TNIK: variants seen among roughly 807,000 people sequenced by gnomAD.
The protein encoded by TNIK is TRAF2 and NCK interacting kinase.
In TNIK, 49 loss-of-function variants were observed where a neutral mutation model predicts 191.3. That is an observed-to-expected ratio of 0.26 (90% CI 0.20 to 0.32). TNIK has a LOEUF of 0.32. TNIK is among the 10% of genes least tolerant of loss of function. TNIK has a pLI of 1.00. For missense variants in TNIK, 1,155 were observed against 1,702.3 expected, an observed-to-expected ratio of 0.68 and a Z score of 5.66; for synonymous variants, 594 against 600.9, an observed-to-expected ratio of 0.99 and a Z score of 0.17.
In TNIK at chr3:171,101,466, G is replaced by T. The variant is rs900629577; in HGVS notation, c.2574C>A (p.Ser858Arg). 6.2e-7 allele frequency: 1 copy of T among 1,611,230 alleles called. No homozygotes were observed. The highest frequency in any genetic ancestry group is 1.1e-5 in the South Asian group (1 of 90,662). Residue 858 changes from serine to arginine, a missense_variant, in exon 22 of 33, where the codon AGC (serine) becomes AGA (arginine). Physicochemically the swap from Ser to Arg is moderately radical, Grantham distance 110 (BLOSUM62 -1). Around this residue, in one of 3 missense-constraint regions of TNIK, gnomAD observed 735 missense variants for 848.0 expected, o/e 0.87. Transcript: ENST00000436636. ...SETHDGTVAV[S>R]DIPRLIPTGA... ...TCTCTTACATCAGTCTGGGTATGTC[G>T]CTGACAGCCACTGTCCCATCATGGG...
intron 7 of TNIK, among the ~76,000 whole-genome samples, chr3:171,178,814 T>C (rs2108792282): frequency 6.6e-6 from 1 of 152,340 alleles, no homozygotes; most frequent in Non-Finnish European, 1.5e-5. Context: ...TGATCAAAGG[T>C]AAGTTTCCTT....
chr3:171,315,494 A>T (rs1000207441), intron 2 of TNIK, among the ~76,000 whole-genome samples: 35 of 152,132 alleles, frequency 2.3e-4, no homozygotes, highest in Non-Finnish European at 1.0e-4. Flanking sequence ...TCTCTCCAGA[A>T]GGGTGTATTA....
intron 4 of TNIK, among the ~76,000 whole-genome samples, chr3:171,202,475 A>G (rs536169427): frequency 8.5e-5 from 13 of 152,312 alleles, no homozygotes; most frequent in Non-Finnish European, 1.0e-4. Flanking sequence ...ATAAATAGGA[A>G]CATAGACTTT....
chr3:171,080,715 A>C (rs1035370788), intron 27 of TNIK, among the ~76,000 whole-genome samples: 7 of 152,218 alleles, frequency 4.6e-5, no homozygotes, highest in African/African-American at 7.2e-5. Context: ...AAAATGTTTT[A>C]TATTTTATAG....
chr3:171,219,815 G>A lies in TNIK; in HGVS notation c.180+8350C>T, dbSNP rs149013389. Among the ~76,000 whole-genome samples the A allele has an allele frequency of 4.9e-3, 749 of 152,170 alleles. 6 individuals are homozygous for A. Among genetic ancestry groups the A allele is most frequent in the African/African-American group, 0.017 (701 of 41,544 alleles). On this transcript the variant is annotated intron_variant, in intron 3 of 32. Transcript: ENST00000436636. Reference sequence around the variant, plus strand: ...GGTGGGAGTGTAAATTAGTTTGACCGTTGTGGAAGACAGTGTGGCAATTCC... The same window carrying A: ...GGTGGGAGTGTAAATTAGTTTGACCATTGTGGAAGACAGTGTGGCAATTCC...
chr3:171,426,698 C>T (rs1724676938), intron 1 of TNIK, among the ~76,000 whole-genome samples: 1 of 152,160 alleles, frequency 6.6e-6, no homozygotes, highest in Non-Finnish European at 1.5e-5. Flanking sequence ...GGCTTCTCCA[C>T]TCCTGGGCAC....
At chr3:171,205,820 C>T (rs1739999121) in intron 4 of TNIK, among the ~76,000 whole-genome samples, 2 of 152,144 alleles carry the variant, frequency 1.3e-5, no homozygotes, top group Non-Finnish European at 2.9e-5. Context: ...ATCCAGGTTG[C>T]AGACTGTTAA....
rs575704965 is a variant in TNIK at position 171,212,829 on chromosome 3, T to C, written c.181-1588A>G. Among the ~76,000 whole-genome samples the C allele has an allele frequency of 3.3e-5, 5 of 152,286 alleles. No individual in the cohort carries two copies. In the South Asian group the frequency reaches 6.2e-4, roughly 19 times the overall value. ...ACAGGTAAGAATAGAGTGAGGAGAA[T>C]AGTGAAGTGCTGACATTTGCTGACC... On this transcript the variant is annotated intron_variant, in intron 3 of 32. Coordinates refer to ENST00000436636, the MANE Select transcript of TNIK (RefSeq NM_015028.4).
At chr3:171,353,961 T>C (rs1172940616) in intron 2 of TNIK, among the ~76,000 whole-genome samples, 5 of 152,128 alleles carry the variant, frequency 3.3e-5, no homozygotes, top group Non-Finnish European at 7.4e-5. Context: ...ACCCTCCAAA[T>C]GCCCCCAAAA....
chr3:171,269,880 A>G (rs773859438), intron 2 of TNIK, among the ~76,000 whole-genome samples: 3 of 152,216 alleles, frequency 2.0e-5, no homozygotes, highest in Non-Finnish European at 4.4e-5. Context: ...CTTCTAAGGC[A>G]AGAACCTCAA....
intron 1 of TNIK, among the ~76,000 whole-genome samples, chr3:171,408,017 G>GA (rs1404109298): frequency 2.0e-5 from 3 of 151,832 alleles, no homozygotes; most frequent in Non-Finnish European, 4.4e-5. Flanking sequence ...GAAGATAAAA[G>GA]AAAAAAATCA....
chr3:171,125,785 A>G (rs1201733135), intron 17 of TNIK, 127 bp downstream of exon 17: 3 of 1,411,572 alleles, frequency 2.1e-6, no homozygotes, highest in Non-Finnish European at 2.9e-6. Context: ...AGGGACCAAA[A>G]CAAACATGAG....
chr3:171,196,643 A>G (rs1025137199), intron 4 of TNIK, among the ~76,000 whole-genome samples: 27 of 152,228 alleles, frequency 1.8e-4, no homozygotes, highest in Non-Finnish European at 2.9e-5. Flanking sequence ...AGATACACCA[A>G]CAAATTGCAA....
At chr3:171,317,802 T>C (rs1754799744) in intron 2 of TNIK, among the ~76,000 whole-genome samples, 1 of 152,190 alleles carries the variant, frequency 6.6e-6, no homozygotes, top group African/African-American at 2.4e-5. Context: ...TAGCACGTAG[T>C]TGTATCAGAC....
intron 1 of TNIK, among the ~76,000 whole-genome samples, chr3:171,372,652 C>T (rs78340865): frequency 0.012 from 1,762 of 152,280 alleles, 30 homozygotes; most frequent in African/African-American, 0.04. Context: ...CCCCAATACC[C>T]GTCCCAGAGG....
At chr3:171,233,817 G>T (rs1243591152) in intron 2 of TNIK, among the ~76,000 whole-genome samples, 4 of 152,186 alleles carry the variant, frequency 2.6e-5, no homozygotes. Context: ...TTGCGTTTGG[G>T]TTCTTGGTAC....
At chr3:171,400,549 CAG>C (rs1300273700) in intron 1 of TNIK, among the ~76,000 whole-genome samples, 3 of 97,162 alleles carry the variant, frequency 3.1e-5, no homozygotes, top group African/African-American at 1.2e-4. Flanking sequence ...GCCTGGGCAA[CAG>C]AGTGAGACCC....
In TNIK at chr3:171,459,927, C is replaced by A. The variant is rs1729266020; in HGVS notation, c.57+80G>T. 4.2e-6 allele frequency: 6 copies of A among 1,414,378 alleles called. No homozygotes were observed. The South Asian group carries it at 7.4e-5, about 17-fold the overall frequency. 87.6% of individuals were successfully genotyped at this position (1,414,378 alleles called of 1,614,324 possible). A position where few individuals can be genotyped will look rare whatever the true frequency, so the allele number is the denominator to read the frequency against. On this transcript the variant is annotated intron_variant, in intron 1 of 32. Transcript: ENST00000436636. ...TCCCGCTGCTGTCCCCCTGCCCCAG[C>A]CCCAGCCCCCAGTCCACGCACCGAG...
intron 2 of TNIK, among the ~76,000 whole-genome samples, chr3:171,307,442 A>G (rs919010855): frequency 3.3e-5 from 5 of 152,176 alleles, no homozygotes; most frequent in African/African-American, 4.8e-5. Flanking sequence ...ATATATGATT[A>G]ATATGCATTC....
Sources: allele counts gnomAD v4.1 joint callset (sites outside exome capture counted in the v4.1 genomes callset), GRCh38; gene constraint gnomAD v4.1.1; regional missense constraint gnomAD v4.1.1; transcripts MANE v1.5; gene names NCBI Gene and HGNC (gene_info 2026-07-23, HGNC 2026-07-21).